The following APC variants were observed in gnomAD, a reference collection of about 807,000 sequenced individuals.
The protein encoded by APC is adenomatous polyposis coli protein.
APC carries 72 observed loss-of-function variants against 247.0 expected under a neutral mutation model. That is an observed-to-expected ratio of 0.29 (90% CI 0.24 to 0.35). The LOEUF (loss-of-function observed/expected upper bound fraction) is 0.35. Among genes scored for constraint, APC ranks in the 10% least tolerant of loss-of-function variants. APC has a pLI of 1.00. For synonymous variants in APC, 1,254 were observed against 1,162.5 expected (o/e 1.08, Z -1.60); for missense variants, 3,400 against 3,360.7 (o/e 1.01, Z -0.29).
At chr5:112,767,060 G>A (rs1442627986) in intron 3 of APC, 129 bp from the exon 4 acceptor site, 1 of 842,684 alleles carries the variant, frequency 1.2e-6, no homozygotes, top group Non-Finnish European at 1.9e-6. Context: ...AATAATTTTT[G>A]TTTTCAGTCA....
In APC at chr5:112,842,107, G is replaced by A. The variant is rs2149966576; in HGVS notation, c.6513G>A (p.Gly2171=). ...AAGGCCCACGAATTCTAAAACCAGGGGAGAAAAGTACATTGGAAACTAAAA... is the reference window on the plus strand; with the variant it reads ...AAGGCCCACGAATTCTAAAACCAGGAGAGAAAAGTACATTGGAAACTAAAA... ...SNKGPRILKP[G]EKSTLETKKI... Residue 2171 remains glycine (G), a synonymous_variant, in exon 16 of 16, where the codon GGG becomes GGA. Transcript: ENST00000257430. 6.2e-7 allele frequency: 1 copy of A among 1,611,090 alleles called. No individual in the cohort carries two copies.
intron 1 of APC, among the ~76,000 whole-genome samples, chr5:112,727,013 G>GA (rs1311750011): frequency 1.3e-5 from 2 of 151,800 alleles, no homozygotes; most frequent in Non-Finnish European, 2.9e-5. Context: ...CTTAAAATGA[G>GA]TCTATAATAT....
At chr5:112,806,910 A>G (rs1023615001) in intron 8 of APC, among the ~76,000 whole-genome samples, 1 of 152,100 alleles carries the variant, frequency 6.6e-6, no homozygotes, top group Admixed American at 6.6e-5. Flanking sequence ...AGATGAGTGG[A>G]TCACTTGAGG....
chr5:112,746,854 A>G (rs1753741413), intron 1 of APC, among the ~76,000 whole-genome samples: 2 of 152,264 alleles, frequency 1.3e-5, no homozygotes, highest in African/African-American at 4.8e-5. Context: ...AGTCACAAGT[A>G]TCATCACTTA....
intron 6 of APC, among the ~76,000 whole-genome samples, chr5:112,787,701 G>C (rs1054866101): frequency 2.6e-5 from 4 of 152,100 alleles, no homozygotes; most frequent in African/African-American, 9.7e-5. Flanking sequence ...ATCCTTTGTA[G>C]ATAATATACA....
At position 112,835,032 on chromosome 5, in the gene APC, G is replaced by A. The variant is rs147863331; in HGVS notation, c.1825G>A (p.Val609Ile). Residue 609 changes from valine (V) to isoleucine (I), a missense_variant, in exon 15 of 16, where the codon GTA becomes ATA. By Grantham distance (29) the Val-to-Ile change is conservative. This residue lies in a region of APC where 184 missense variants were observed against 248.0 expected (regional missense o/e 0.74). Coordinates refer to ENST00000257430, the MANE Select transcript of APC (RefSeq NM_000038.6). ...TGAGAATAAAGCTGATATATGTGCT[G>A]TAGATGGTGCACTTGCATTTTTGGT... ...CTENKADICA[V>I]DGALAFLVGT... is the part of the protein sequence containing the mutation. The A allele has an allele frequency of 1.6e-4, 257 of 1,614,140 alleles. No homozygotes were observed. In the African/African-American group the frequency reaches 3.2e-3, roughly 20 times the overall value.
intron 15 of APC, among the ~76,000 whole-genome samples, chr5:112,836,468 A>G (rs374948694): frequency 1.1e-4 from 16 of 152,206 alleles, no homozygotes; most frequent in Non-Finnish European, 2.4e-4. Flanking sequence ...GAAGACGACC[A>G]TGTTAAAGCT....
chr5:112,824,141 C>G (rs921401772), intron 11 of APC, among the ~76,000 whole-genome samples: 2 of 152,302 alleles, frequency 1.3e-5, no homozygotes, highest in Middle Eastern at 3.4e-3. Context: ...TGTTGGTGCT[C>G]TACTATCGGT....
chr5:112,803,245 G>C (rs1761024554), intron 8 of APC, among the ~76,000 whole-genome samples: 1 of 152,128 alleles, frequency 6.6e-6, no homozygotes, highest in African/African-American at 2.4e-5. Flanking sequence ...TAATGTGCCT[G>C]TTGTGAAGCT....
intron 2 of APC, among the ~76,000 whole-genome samples, chr5:112,764,877 A>G (rs1396558719): frequency 1.3e-5 from 2 of 152,192 alleles, no homozygotes; most frequent in East Asian, 1.9e-4. Flanking sequence ...TTTATAGTAG[A>G]CATTTTGATG....
At chr5:112,741,644 A>G (rs1271504319) in intron 1 of APC, among the ~76,000 whole-genome samples, 2 of 152,188 alleles carry the variant, frequency 1.3e-5, no homozygotes, top group Admixed American at 1.3e-4. Context: ...TTACCATCTT[A>G]AGCACTTTTA....
intron 8 of APC, chr5:112,810,038 A>T: frequency 2.4e-6 from 1 of 409,444 alleles, no homozygotes; most frequent in Non-Finnish European, 4.8e-6. Flanking sequence ...AACTGTAAAG[A>T]TGTCTAGATG....
chr5:112,748,064 T>A (rs1479416649), intron 1 of APC, among the ~76,000 whole-genome samples: 1 of 152,190 alleles, frequency 6.6e-6, no homozygotes, highest in African/African-American at 2.4e-5. Flanking sequence ...CAAAGCCTTA[T>A]AATATTTATT....
At chr5:112,794,846 G>GA (rs1760028273) in intron 7 of APC, among the ~76,000 whole-genome samples, 1 of 152,174 alleles carries the variant, frequency 6.6e-6, no homozygotes, top group Non-Finnish European at 1.5e-5. Flanking sequence ...ACAACTCACT[G>GA]AAAGTGCTAT....
At chr5:112,738,112 C>G (rs1041478450) in intron 1 of APC, among the ~76,000 whole-genome samples, 187 bp downstream of exon 1, 1 of 152,016 alleles carries the variant, frequency 6.6e-6, no homozygotes, top group Non-Finnish European at 1.5e-5. Context: ...TCCTGTACTT[C>G]GGATCCAGGG....
rs1755174505 is a variant in APC, at chr5:112,757,912, G to T, written c.135+2887G>T. On this transcript the variant is annotated intron_variant, in intron 2 of 15. Transcript: ENST00000257430. ...GGAAATATTTATTTTTAAGTATAATGATATTATTGTGTTTGTGTTTAGAAA... is the reference window on the plus strand; with the variant it reads ...GGAAATATTTATTTTTAAGTATAATTATATTATTGTGTTTGTGTTTAGAAA... Among the ~76,000 whole-genome samples, 4 of 152,220 alleles carry T rather than the reference G, an allele frequency of 2.6e-5. No individual in the cohort carries two copies. The South Asian group carries it at 8.3e-4, about 32-fold the overall frequency.
chr5:112,833,796 A>G (rs1176289020), intron 14 of APC, among the ~76,000 whole-genome samples: 4 of 152,162 alleles, frequency 2.6e-5, no homozygotes, highest in African/African-American at 4.8e-5. Flanking sequence ...TATTGTTTTT[A>G]TAAATTACAT....
In APC at chr5:112,842,387, C is replaced by G. The variant is rs1580674845; in HGVS notation, c.6793C>G (p.Gln2265Glu). 2 of 1,614,046 alleles carry G rather than the reference C, an allele frequency of 1.2e-6. No individual in the cohort carries two copies. Among genetic ancestry groups the G allele is most frequent in the African/African-American group, 2.7e-5 (2 of 75,036 alleles). ...AGCCTCCAAAAGCCCTAGTGAAGGTCAAACAGCCACCACTTCTCCTAGAGG... is the reference window on the plus strand; with the variant it reads ...AGCCTCCAAAAGCCCTAGTGAAGGTGAAACAGCCACCACTTCTCCTAGAGG... ...TPASKSPSEG[Q>E]TATTSPRGAK... is the part of the protein sequence containing the mutation. Residue 2265 changes from glutamine to glutamate, a missense_variant, in exon 16 of 16, where the codon CAA becomes GAA. Physicochemically the swap from Gln to Glu is conservative, Grantham distance 29. Transcript: ENST00000257430.
chr5:112,818,439 C>T (rs1020420416), intron 9 of APC, among the ~76,000 whole-genome samples: 1 of 113,984 alleles, frequency 8.8e-6, no homozygotes. Context: ...AATTTATAAT[C>T]GTATAATTTT....
Sources: gnomAD v4.1 joint callset for allele counts (sites outside exome capture counted in the v4.1 genomes callset) on GRCh38, gnomAD v4.1.1 for gene constraint, gnomAD v4.1.1 regional missense constraint, MANE v1.5 for transcripts, NCBI Gene and HGNC (gene_info 2026-07-23, HGNC 2026-07-21) for gene names.